Variants in CEP120 observed in about 807,000 individuals in gnomAD.
The protein encoded by CEP120 is centrosomal protein 120.
In CEP120, 113 loss-of-function variants were observed where a neutral mutation model predicts 126.5. That is an observed-to-expected ratio of 0.89 (90% confidence interval 0.77 to 1.04). CEP120 has a LOEUF of 1.04. Among genes scored for constraint, CEP120 ranks in the 50% least tolerant of loss-of-function variants. The pLI is 0.00. For missense variants in CEP120, 1,230 were observed against 1,155.7 expected, an observed-to-expected ratio of 1.06 and a Z score of -0.93; for synonymous variants, 400 against 394.3, an observed-to-expected ratio of 1.01 and a Z score of -0.17.
chr5:123,369,176 C>T (rs1770679561), intron 17 of CEP120, among the ~76,000 whole-genome samples: 1 of 151,930 alleles, frequency 6.6e-6, no homozygotes. Context: ...TCAAGTTACT[C>T]TCCTACTTAA....
intron 3 of CEP120, among the ~76,000 whole-genome samples, chr5:123,413,330 AG>A (rs1774187654): frequency 1.3e-5 from 2 of 152,044 alleles, no homozygotes; most frequent in Non-Finnish European, 2.9e-5. Context: ...AAATCTTATT[AG>A]TGTTAATAAA....
chr5:123,391,351 G>A lies in CEP120; in HGVS notation c.811-14C>T, dbSNP rs1374385206. ...GCAGAGGTGAATCTAATATGAAAGG[G>A]AAAAATCAAAATAGGGCTTTATACT... is the stretch of plus-strand genomic sequence containing the variant. On this transcript the variant is annotated splice_polypyrimidine_tract_variant and intron_variant, in intron 6 of 19. Coordinates refer to ENST00000306467, the MANE Select transcript of CEP120 (RefSeq NM_001375405.1). 1 of 1,583,812 alleles carries A rather than the reference G, an allele frequency of 6.3e-7. No individual in the cohort carries two copies. The highest frequency in any genetic ancestry group is 8.7e-7 in the Non-Finnish European group (1 of 1,154,358).
At chr5:123,419,057 A>C (rs146723573) in intron 1 of CEP120, among the ~76,000 whole-genome samples, 2 of 152,338 alleles carry the variant, frequency 1.3e-5, no homozygotes, top group African/African-American at 2.4e-5. Flanking sequence ...TAGTGTGCAC[A>C]TGAATCACCT....
At chr5:123,406,755 T>C (rs183049323) in intron 4 of CEP120, among the ~76,000 whole-genome samples, 11 of 151,096 alleles carry the variant, frequency 7.3e-5, no homozygotes, top group African/African-American at 2.7e-4. Flanking sequence ...AAAAATGGCA[T>C]GGGTAAGAAG....
Position 123,423,309 on chromosome 5 carries a change from A to C in CEP120, c.-311T>G, listed in dbSNP as rs2127151467. On this transcript the variant is annotated 5_prime_UTR_variant, in exon 1 of 20. Transcript: ENST00000306467. ...TTGCCGCCTGCGTAGCCGCTTTTCAAACGCCCGGGCGGCCGCAGCGGCCGC... is the reference window on the plus strand; with the variant it reads ...TTGCCGCCTGCGTAGCCGCTTTTCACACGCCCGGGCGGCCGCAGCGGCCGC... 1.8e-5 allele frequency: 7 copies of C among 381,086 alleles called. No homozygotes were observed. The highest frequency in any genetic ancestry group is 3.3e-5 in the Non-Finnish European group (7 of 210,860). The allele number at this position is 381,086 out of a possible 1,614,324, so 23.6% of individuals were successfully genotyped here.
chr5:123,388,085 A>G, intron 9 of CEP120, among the ~76,000 whole-genome samples: 1 of 99,148 alleles, frequency 1.0e-5, no homozygotes, highest in African/African-American at 3.8e-5. Context: ...TTTGACCAGT[A>G]ATACTTTTTC....
At position 123,363,272 on chromosome 5, in the gene CEP120, A is replaced by C. The variant is rs879397457; in HGVS notation, c.2580+1224T>G. On this transcript the variant is annotated intron_variant, in intron 18 of 19. Coordinates refer to ENST00000306467, the MANE Select transcript of CEP120 (RefSeq NM_001375405.1). The stretch of plus-strand genomic sequence containing the variant: ...TATGACACCTTTCCAACTCCTATTA[A>C]ATAGACGTACTTTCTCCTCCTGAGT... Among the ~76,000 whole-genome samples, 32 of 151,642 alleles carry C rather than the reference A, an allele frequency of 2.1e-4. No homozygotes were observed. The South Asian group carries it at 5.4e-3, about 26-fold the overall frequency.
chr5:123,388,822 G>A (rs1772195628), intron 8 of CEP120, among the ~76,000 whole-genome samples: 2 of 152,222 alleles, frequency 1.3e-5, no homozygotes, highest in South Asian at 4.1e-4. Context: ...TGTGAAAAAA[G>A]AGCTTACTCT....
intron 5 of CEP120, among the ~76,000 whole-genome samples, chr5:123,397,242 T>C (rs1022610159): frequency 6.6e-6 from 1 of 152,148 alleles, no homozygotes; most frequent in African/African-American, 2.4e-5. Flanking sequence ...GAGAATCACT[T>C]GAACCGGGAA....
intron 1 of CEP120, 119 bp from the exon 2 acceptor site, chr5:123,418,634 T>C (rs1190917588): frequency 1.6e-5 from 13 of 808,926 alleles, no homozygotes; most frequent in African/African-American, 1.8e-5. Context: ...TCTTACTCTG[T>C]TGCTTAGGCT....
At position 123,344,900 on chromosome 5, in the gene CEP120, A is replaced by G. The variant is rs1479044842; in HGVS notation, c.*1619T>C. 1 of 152,198 alleles carries G rather than the reference A, an allele frequency of 6.6e-6. No individual in the cohort carries two copies. The highest frequency in any genetic ancestry group is 1.5e-5 in the Non-Finnish European group (1 of 68,036). The allele number at this position is 152,198 out of a possible 1,614,324, so 9.4% of individuals were successfully genotyped here. Reference sequence around the variant, plus strand: ...GCTCAAGAACTCAGAGATGCACACAATTATGATTTTATTTGTTAAGTTACA... The same window carrying G: ...GCTCAAGAACTCAGAGATGCACACAGTTATGATTTTATTTGTTAAGTTACA... On this transcript the variant is annotated 3_prime_UTR_variant, in exon 20 of 20. Coordinates refer to ENST00000306467, the MANE Select transcript of CEP120 (RefSeq NM_001375405.1).
At chr5:123,354,899 AG>A in intron 18 of CEP120, among the ~76,000 whole-genome samples, 1 of 151,934 alleles carries the variant, frequency 6.6e-6, no homozygotes, top group African/African-American at 2.4e-5. Flanking sequence ...CTCGTCATTT[AG>A]CATTAGGTAT....
Position 123,389,996 on chromosome 5 carries a change from T to C in CEP120, c.1183A>G (p.Thr395Ala), listed in dbSNP as rs1772284870. 6.2e-7 allele frequency: 1 copy of C among 1,614,188 alleles called. No homozygotes were observed. Among genetic ancestry groups the C allele is most frequent in the Non-Finnish European group, 8.5e-7 (1 of 1,180,026 alleles). Residue 395 changes from threonine (T) to alanine (A), a missense_variant, in exon 8 of 20, where the codon ACA (threonine) becomes GCA (alanine). Thr to Ala is a moderately conservative substitution (Grantham distance 58). Transcript: ENST00000306467. The part of the protein sequence containing the change: ...PVPSHNQSPP[T>A]KDDATESEVE... Reference sequence around the variant, plus strand: ...TCACTTTCTGTTGCATCATCTTTTGTTGGAGGTGACTGGTTGTGAGATGGA... The same window carrying C: ...TCACTTTCTGTTGCATCATCTTTTGCTGGAGGTGACTGGTTGTGAGATGGA...
rs1771740463 is a variant in CEP120 at position 123,382,803 on chromosome 5, T to G, written c.1947A>C (p.Leu649Phe). The change falls in exon 13 of 20, where the codon TTA (leucine) becomes TTC (phenylalanine). Residue 649 changes from leucine to phenylalanine, a missense_variant. Coordinates refer to ENST00000306467, the MANE Select transcript of CEP120 (RefSeq NM_001375405.1). ...CTAGCTCAAGTGCTGCTTTGTATTC[T>G]AACGTTTCACGAGGCTCTGTCTGGA... ...SEIQTEPRET[L>F]EYKAALELEM... 1 of 1,613,502 alleles carries G rather than the reference T, an allele frequency of 6.2e-7. No homozygotes were observed.
Position 123,412,412 on chromosome 5 carries a change from A to AG in CEP120, c.449dup (p.Arg151SerfsTer13). 1 of 1,600,192 alleles carries AG rather than the reference A, an allele frequency of 6.2e-7. No homozygotes were observed. Among genetic ancestry groups the AG allele is most frequent in the South Asian group, 1.1e-5 (1 of 88,052 alleles). On this transcript the variant is annotated frameshift_variant, in exon 4 of 20. Coordinates refer to ENST00000306467, the MANE Select transcript of CEP120 (RefSeq NM_001375405.1). LOFTEE classifies it high-confidence loss of function. ...TGATGCACAAACCTTTTCCATCTCG[A>AG]GGGGGAGCCCCCTTTGCTTTAAAGC... is the stretch of plus-strand genomic sequence containing the variant.
intron 1 of CEP120, among the ~76,000 whole-genome samples, chr5:123,421,622 T>C (rs1774721148): frequency 7.4e-6 from 1 of 135,476 alleles, no homozygotes; most frequent in South Asian, 2.8e-4. Flanking sequence ...CAAACCTATA[T>C]TTACAGTACA....
At chr5:123,347,255 G>A (rs546759757) in intron 19 of CEP120, among the ~76,000 whole-genome samples, 9 of 152,030 alleles carry the variant, frequency 5.9e-5, no homozygotes, top group Admixed American at 4.6e-4. Flanking sequence ...ATCATTTGGG[G>A]TATCATCATT....
intron 3 of CEP120, 73 bp downstream of exon 3, chr5:123,415,937 C>T: frequency 2.0e-6 from 2 of 982,444 alleles, no homozygotes; most frequent in South Asian, 2.8e-5. Flanking sequence ...ATGTCCTTTT[C>T]ATCAATCTGT....
At chr5:123,405,026 T>TTAGAC (rs2127107180) in intron 4 of CEP120, among the ~76,000 whole-genome samples, 1 of 152,310 alleles carries the variant, frequency 6.6e-6, no homozygotes, top group South Asian at 2.1e-4. Context: ...CACATAGAGC[T>TTAGAC]TAGAAATCTT....
Sources: gnomAD v4.1 joint callset for allele counts (sites outside exome capture counted in the v4.1 genomes callset) on GRCh38, gnomAD v4.1.1 for gene constraint, MANE v1.5 for transcripts, NCBI Gene and HGNC (gene_info 2026-07-23, HGNC 2026-07-21) for gene names.